The following KDM4C variants were observed in gnomAD, a reference collection of about 807,000 sequenced individuals.
The protein encoded by KDM4C is lysine demethylase 4C, also known as lysine-specific demethylase 4C.
Under a neutral mutation model 129.3 loss-of-function variants are expected in KDM4C, and 81 were observed. That is an observed-to-expected ratio of 0.63 (90% CI 0.52 to 0.75). KDM4C has a LOEUF of 0.75. Among genes scored for constraint, KDM4C ranks in the 30% least tolerant of loss-of-function variants. The probability of loss-of-function intolerance (pLI) is 0.00; values close to 1 mark genes in which losing one functional copy is unlikely to be tolerated. For synonymous variants in KDM4C, 573 were observed against 456.1 expected (o/e 1.26, Z -3.26); for missense variants, 1,457 against 1,304.0 (o/e 1.12, Z -1.81).
intron 8 of KDM4C, among the ~76,000 whole-genome samples, chr9:6,916,825 A>G (rs1014657929): frequency 6.6e-6 from 1 of 152,206 alleles, no homozygotes; most frequent in Non-Finnish European, 1.5e-5. Flanking sequence ...TCACCTTTGA[A>G]TAGGTTCTAT....
At chr9:7,008,801 A>T (rs1210587169) in intron 12 of KDM4C, among the ~76,000 whole-genome samples, 2 of 152,190 alleles carry the variant, frequency 1.3e-5, no homozygotes, top group African/African-American at 4.8e-5. Context: ...ACTGACGCAG[A>T]CACAAGGCCG....
chr9:7,126,521 G>A (rs1477083614), intron 18 of KDM4C, among the ~76,000 whole-genome samples: 1 of 152,106 alleles, frequency 6.6e-6, no homozygotes, highest in African/African-American at 2.4e-5. Flanking sequence ...ATAGAGGGAG[G>A]CAAGAAAGAA....
At chr9:6,738,390 G>T (rs1817593435) in intron 1 of KDM4C, among the ~76,000 whole-genome samples, 1 of 152,076 alleles carries the variant, frequency 6.6e-6, no homozygotes, top group Admixed American at 6.6e-5. Flanking sequence ...CAGGAGAATC[G>T]CTTGAACCTG....
At chr9:6,972,242 T>G (rs913893696) in intron 8 of KDM4C, among the ~76,000 whole-genome samples, 7 of 150,892 alleles carry the variant, frequency 4.6e-5, no homozygotes, top group South Asian at 2.1e-4. Flanking sequence ...AAAATAGGGG[T>G]GTGTGTGTGT....
intron 18 of KDM4C, among the ~76,000 whole-genome samples, chr9:7,120,342 T>G (rs979311144): frequency 6.6e-6 from 1 of 152,200 alleles, no homozygotes; most frequent in Admixed American, 6.5e-5. Flanking sequence ...TATTTCAACA[T>G]TGGTAGTCTT....
In KDM4C at chr9:6,970,524, C is replaced by G. The variant is rs544530241; in HGVS notation, c.922-10401C>G. On this transcript the variant is annotated intron_variant, in intron 8 of 21. Transcript: ENST00000381309. ...AAGTGCTGGACTTCCTGTTAGTTTT[C>G]TTTCCAATATACATTTCATAGAGAG... Among the ~76,000 whole-genome samples, 14 of 152,248 alleles carry G rather than the reference C, an allele frequency of 9.2e-5. No homozygotes were observed. The South Asian group carries it at 2.9e-3, about 32-fold the overall frequency.
In KDM4C at chr9:6,943,952, A is replaced by T. The variant is rs1826420856; in HGVS notation, c.922-36973A>T. 2.0e-5 allele frequency among the ~76,000 whole-genome samples: 3 copies of T among 152,190 alleles called. No individual in the cohort carries two copies. In the South Asian group the frequency reaches 6.2e-4, roughly 32 times the overall value. On this transcript the variant is annotated intron_variant, in intron 8 of 21. Transcript: ENST00000381309. ...CTTGCTGCCAGGAGATCAGTGTCAA[A>T]CTCCAGACAGACTTTTACCTGGATC...
chr9:6,848,467 G>T (rs948659754), intron 4 of KDM4C, among the ~76,000 whole-genome samples: 1 of 152,098 alleles, frequency 6.6e-6, no homozygotes, highest in Non-Finnish European at 1.5e-5. Flanking sequence ...AGGAGTTCGA[G>T]ACCAGCCTAG....
At chr9:7,100,710 T>A (rs1469278547) in intron 17 of KDM4C, among the ~76,000 whole-genome samples, 1 of 152,184 alleles carries the variant, frequency 6.6e-6, no homozygotes. Flanking sequence ...TACCTCATGT[T>A]GACCCAGGGT....
At chr9:6,820,765 C>T (rs2131213656) in intron 4 of KDM4C, among the ~76,000 whole-genome samples, 1 of 146,332 alleles carries the variant, frequency 6.8e-6, no homozygotes, top group Admixed American at 7.0e-5. Flanking sequence ...GATACATGTG[C>T]AACGTGCAGG....
At chr9:7,043,116 ATAATAAATTACT>A (rs1464015292) in intron 15 of KDM4C, among the ~76,000 whole-genome samples, 5 of 152,086 alleles carry the variant, frequency 3.3e-5, no homozygotes, top group Non-Finnish European at 4.4e-5. Flanking sequence ...ATTAAGTGAA[ATAATAAATTACT>A]TAATAAGTTT....
intron 7 of KDM4C, among the ~76,000 whole-genome samples, chr9:6,888,286 T>C (rs1029803932): frequency 6.6e-6 from 1 of 152,236 alleles, no homozygotes; most frequent in African/African-American, 2.4e-5. Flanking sequence ...TCACTTATAA[T>C]TGTACTGAAA....
At chr9:7,025,614 C>T (rs1335885997) in intron 15 of KDM4C, among the ~76,000 whole-genome samples, 1 of 151,254 alleles carries the variant, frequency 6.6e-6, no homozygotes, top group African/African-American at 2.4e-5. Context: ...ATTGCATAGG[C>T]AAAAACACAC....
chr9:6,720,935 C>G (rs778386479), exon 1 of KDM4C: 5 of 1,551,072 alleles, frequency 3.2e-6, no homozygotes, highest in Non-Finnish European at 4.4e-6. Context: ...GTGGAAGAGG[C>G]TAAAGGATGT....
chr9:6,855,351 C>T (rs548911201), intron 5 of KDM4C, among the ~76,000 whole-genome samples: 78 of 147,572 alleles, frequency 5.3e-4, no homozygotes, highest in Admixed American at 2.0e-3. Context: ...CCCAGCTACT[C>T]GGGAGGCTGA....
At chr9:6,777,619 C>G (rs1823361864) in intron 1 of KDM4C, among the ~76,000 whole-genome samples, 1 of 152,098 alleles carries the variant, frequency 6.6e-6, no homozygotes, top group Non-Finnish European at 1.5e-5. Context: ...CCTTATTGCC[C>G]CCAGGTCCTT....
Position 6,849,603 on chromosome 9 carries a change from C to A in KDM4C, c.532C>A (p.Leu178Ile). Residue 178 changes from leucine to isoleucine, a missense_variant, in exon 5 of 22, where the codon CTC becomes ATC. By Grantham distance (5) the Leu-to-Ile change is conservative. Coordinates refer to ENST00000381309, the MANE Select transcript of KDM4C (RefSeq NM_015061.6). ...ISIEGVNTPY[L>I]YFGMWKTTFA... ...TATTGAGGGTGTAAATACCCCATAT[C>A]TCTATTTTGGCATGTGGAAGACCAC... 1 of 1,613,886 alleles carries A rather than the reference C, an allele frequency of 6.2e-7. No homozygotes were observed. The highest frequency in any genetic ancestry group is 8.5e-7 in the Non-Finnish European group (1 of 1,179,898).
chr9:6,973,679 T>A (rs1459778757), intron 8 of KDM4C: 1 of 152,236 alleles, frequency 6.6e-6, no homozygotes, highest in Non-Finnish European at 1.5e-5. Flanking sequence ...GAGCTTCTAT[T>A]CTGGGAATTT....
intron 5 of KDM4C, among the ~76,000 whole-genome samples, chr9:6,855,649 C>G (rs891904020): frequency 6.6e-6 from 1 of 152,084 alleles, no homozygotes. Flanking sequence ...TTACCCCTAT[C>G]TCTTCCTGTC....
Sources: allele counts gnomAD v4.1 joint callset (sites outside exome capture counted in the v4.1 genomes callset), GRCh38; gene constraint gnomAD v4.1.1; transcripts MANE v1.5; gene names NCBI Gene and HGNC (gene_info 2026-07-23, HGNC 2026-07-21).